Variants in EPB41L4A observed in about 807,000 individuals in gnomAD.
EPB41L4A encodes band 4.1-like protein 4A.
EPB41L4A carries 100 observed loss-of-function variants against 108.6 expected under a neutral mutation model. That is an observed-to-expected ratio of 0.92 (90% CI 0.78 to 1.09). The LOEUF (loss-of-function observed/expected upper bound fraction) is 1.09, where lower values mean the gene tolerates loss of function less well. Ranked by LOEUF, EPB41L4A falls within the 50% of genes least tolerant of loss-of-function variation. EPB41L4A has a pLI of 0.00. For missense variants in EPB41L4A, 1,030 were observed against 842.7 expected (o/e 1.22, Z -2.75); for synonymous variants, 319 against 289.0 (o/e 1.10, Z -1.05).
intron 1 of EPB41L4A, among the ~76,000 whole-genome samples, chr5:112,360,842 C>A (rs528580645): frequency 9.2e-5 from 14 of 151,814 alleles, no homozygotes; most frequent in Admixed American, 2.0e-4. Context: ...GCCTCTGCCC[C>A]GCCACTCCGT....
chr5:112,361,041 C>T (rs979038699), intron 1 of EPB41L4A, among the ~76,000 whole-genome samples: 5 of 152,068 alleles, frequency 3.3e-5, no homozygotes, highest in Admixed American at 6.5e-5. Flanking sequence ...TCATTGAGAA[C>T]GGGCCATGAT....
intron 18 of EPB41L4A, among the ~76,000 whole-genome samples, chr5:112,181,988 G>A (rs1761181178): frequency 6.6e-6 from 1 of 151,958 alleles, no homozygotes; most frequent in Admixed American, 6.6e-5. Flanking sequence ...CAGGAGAATG[G>A]CTTGAACCCG....
Position 112,209,211 on chromosome 5 carries a change from C to G in EPB41L4A, c.1178+681G>C, listed in dbSNP as rs191873963. 2.1e-3 allele frequency among the ~76,000 whole-genome samples: 319 copies of G among 152,294 alleles called. 3 individuals are homozygous for G. Among genetic ancestry groups the G allele is most frequent in the African/African-American group, 7.6e-3 (315 of 41,562 alleles). ...CCCCATGATGTATGGGGGGCAACCC[C>G]TATAGAGAAAGTGAGCTCATGAAAG... On this transcript the variant is annotated intron_variant, in intron 13 of 22. Transcript: ENST00000261486.
At chr5:112,307,153 T>C (rs1227834186) in intron 2 of EPB41L4A, among the ~76,000 whole-genome samples, 2 of 152,162 alleles carry the variant, frequency 1.3e-5, no homozygotes, top group Admixed American at 6.6e-5. Context: ...AAACCACATA[T>C]GCCATCTGCA....
chr5:112,150,515 T>C (rs1759426440), intron 12 of EPB41L4A, among the ~76,000 whole-genome samples: 2 of 152,142 alleles, frequency 1.3e-5, no homozygotes, highest in South Asian at 2.1e-4. Context: ...AAAAACTCAG[T>C]ATTAACAGCT....
intron 1 of EPB41L4A, among the ~76,000 whole-genome samples, chr5:112,358,040 A>T (rs1474383120): frequency 6.6e-6 from 1 of 152,050 alleles, no homozygotes; most frequent in East Asian, 1.9e-4. Flanking sequence ...CGGACTCAGC[A>T]AAGGACTTCT....
intron 17 of EPB41L4A, among the ~76,000 whole-genome samples, chr5:112,187,390 G>T (rs1449380933): frequency 6.6e-6 from 1 of 152,184 alleles, no homozygotes; most frequent in African/African-American, 2.4e-5. Flanking sequence ...GTATAAGGGA[G>T]AGGGTTGCTT....
At chr5:112,267,883 G>A (rs1751975646) in intron 4 of EPB41L4A, among the ~76,000 whole-genome samples, 1 of 152,110 alleles carries the variant, frequency 6.6e-6, no homozygotes, top group Non-Finnish European at 1.5e-5. Context: ...TCTTACTTCT[G>A]CTTACTTCTT....
chr5:112,352,459 T>C (rs1388139799), intron 1 of EPB41L4A, among the ~76,000 whole-genome samples: 3 of 152,224 alleles, frequency 2.0e-5, no homozygotes, highest in Admixed American at 6.5e-5. Flanking sequence ...TCCATTGTGG[T>C]CTAAGAAGAT....
chr5:112,277,857 A>T (rs1752712523), intron 3 of EPB41L4A, among the ~76,000 whole-genome samples: 1 of 152,230 alleles, frequency 6.6e-6, no homozygotes, highest in Non-Finnish European at 1.5e-5. Context: ...GATAATTCAA[A>T]TTACAAAATT....
intron 2 of EPB41L4A, among the ~76,000 whole-genome samples, chr5:112,297,824 A>C (rs12519987): frequency 6.6e-6 from 1 of 152,132 alleles, no homozygotes; most frequent in Admixed American, 6.5e-5. Context: ...TGATTTTTGC[A>C]TAAGGCAAGA....
At chr5:112,298,871 T>C (rs1188631184) in intron 2 of EPB41L4A, among the ~76,000 whole-genome samples, 4 of 152,170 alleles carry the variant, frequency 2.6e-5, no homozygotes, top group Non-Finnish European at 4.4e-5. Context: ...TGATTTAAGC[T>C]AGGAGGGTTG....
intron 12 of EPB41L4A, among the ~76,000 whole-genome samples, chr5:112,210,575 G>T (rs1171293772): frequency 5.9e-5 from 9 of 152,088 alleles, no homozygotes; most frequent in African/African-American, 1.7e-4. Context: ...TTATTCCATA[G>T]ATTTGCATAC....
Position 112,275,367 on chromosome 5 carries a change from G to A in EPB41L4A, c.294C>T (p.Phe98=). 1 of 1,555,464 alleles carries A rather than the reference G, an allele frequency of 6.4e-7. No homozygotes were observed. Among genetic ancestry groups the A allele is most frequent in the South Asian group, 1.2e-5 (1 of 85,144 alleles). The change falls in exon 4 of 23, where the codon TTC becomes TTT. Residue 98 remains phenylalanine (F), a synonymous_variant. Coordinates refer to ENST00000261486, the MANE Select transcript of EPB41L4A (RefSeq NM_022140.5). ...TAAGTTTACATGGATCTTCAGCATA[G>A]AATTTAATACCAAAATACAAAGTAT... ...PPYTLYFGIK[F]YAEDPCKLKE... is the part of the protein sequence containing the mutation.
intron 12 of EPB41L4A, among the ~76,000 whole-genome samples, chr5:112,223,713 G>A (rs1207501161): frequency 2.0e-5 from 3 of 152,138 alleles, no homozygotes; most frequent in Non-Finnish European, 4.4e-5. Context: ...ACTAGTCTAA[G>A]GTTGTGTTCA....
At chr5:112,340,146 A>G (rs544862559) in intron 1 of EPB41L4A, among the ~76,000 whole-genome samples, 1 of 152,310 alleles carries the variant, frequency 6.6e-6, no homozygotes, top group African/African-American at 2.4e-5. Context: ...GGTCAGAGTC[A>G]AGTCTGCAAA....
intron 1 of EPB41L4A, among the ~76,000 whole-genome samples, chr5:112,369,088 T>A (rs1759320787): frequency 6.6e-6 from 1 of 152,214 alleles, no homozygotes; most frequent in Non-Finnish European, 1.5e-5. Context: ...TCCATAGTAT[T>A]ATCGGCTCAA....
chr5:112,350,185 G>A (rs1757954218), intron 1 of EPB41L4A, among the ~76,000 whole-genome samples: 1 of 152,122 alleles, frequency 6.6e-6, no homozygotes, highest in African/African-American at 2.4e-5. Context: ...ACGCATATGT[G>A]GCTAGAAGCT....
intron 1 of EPB41L4A, among the ~76,000 whole-genome samples, chr5:112,385,549 C>G (rs1760463660): frequency 6.7e-6 from 1 of 149,696 alleles, no homozygotes; most frequent in South Asian, 2.1e-4. Context: ...TACCTAAAGC[C>G]AAAAGCACAA....
Sources: allele counts gnomAD v4.1 joint callset (sites outside exome capture counted in the v4.1 genomes callset), GRCh38; gene constraint gnomAD v4.1.1; transcripts MANE v1.5; gene names NCBI Gene and HGNC (gene_info 2026-07-23, HGNC 2026-07-21).